KCNC2: variants seen among roughly 807,000 people sequenced by gnomAD.
KCNC2 encodes potassium voltage-gated channel subfamily C member 2.
A neutral mutation model predicts 44.5 loss-of-function variants in KCNC2; 21 were observed. The ratio of observed to expected loss-of-function variants is 0.47; its 90% CI spans 0.33 to 0.68. KCNC2 has a LOEUF of 0.68. KCNC2 is among the 30% of genes least tolerant of loss of function. The pLI is 0.01. For synonymous variants in KCNC2, 391 were observed against 339.1 expected, an observed-to-expected ratio of 1.15 and a Z score of -1.68; for missense variants, 589 against 826.2, an observed-to-expected ratio of 0.71 and a Z score of 3.52.
At chr12:75,129,706 CA>C (rs142395611) in intron 2 of KCNC2, among the ~76,000 whole-genome samples, 20 of 148,420 alleles carry the variant, frequency 1.3e-4, no homozygotes, top group African/African-American at 3.9e-4. Flanking sequence ...GGATATCACG[CA>C]AAAAAAAATG....
intron 2 of KCNC2, among the ~76,000 whole-genome samples, chr12:75,172,503 A>C (rs1299582370): frequency 6.6e-6 from 1 of 151,830 alleles, no homozygotes; most frequent in East Asian, 1.9e-4. Context: ...AAAAAAAAAA[A>C]AGTACATCCA....
chr12:75,122,798 G>A (rs1049153473), intron 2 of KCNC2, among the ~76,000 whole-genome samples: 3 of 151,948 alleles, frequency 2.0e-5, no homozygotes, highest in African/African-American at 7.3e-5. Flanking sequence ...TCGGAAAGCG[G>A]AAAAGATATC....
intron 2 of KCNC2, among the ~76,000 whole-genome samples, chr12:75,128,593 T>C (rs1184974957): frequency 6.6e-6 from 1 of 151,972 alleles, no homozygotes; most frequent in East Asian, 1.9e-4. Context: ...ATACCCAATC[T>C]CCTCTGTTCA....
intron 2 of KCNC2, among the ~76,000 whole-genome samples, chr12:75,166,703 T>A (rs1891478244): frequency 6.6e-6 from 1 of 151,126 alleles, no homozygotes. Context: ...AACACATTCC[T>A]AAGTAACCAA....
intron 2 of KCNC2, among the ~76,000 whole-genome samples, chr12:75,105,122 G>T (rs1886678922): frequency 6.6e-6 from 1 of 152,096 alleles, no homozygotes; most frequent in African/African-American, 2.4e-5. Flanking sequence ...AAGCAAAGAA[G>T]TTGAATAAAA....
chr12:75,104,272 T>C (rs1886603655), intron 2 of KCNC2, among the ~76,000 whole-genome samples: 4 of 152,186 alleles, frequency 2.6e-5, no homozygotes, highest in Admixed American at 2.6e-4. Flanking sequence ...TCATGAATAC[T>C]CTGGACAAGG....
intron 2 of KCNC2, among the ~76,000 whole-genome samples, chr12:75,093,852 G>C (rs1203636054): frequency 6.6e-6 from 1 of 151,642 alleles, no homozygotes; most frequent in East Asian, 1.9e-4. Flanking sequence ...CTGAGGTAAC[G>C]TGAGACTGTT....
chr12:75,205,891 G>T, intron 2 of KCNC2, among the ~76,000 whole-genome samples: 1 of 138,086 alleles, frequency 7.2e-6, no homozygotes, highest in African/African-American at 2.7e-5. Context: ...TTTATGGCAT[G>T]GCCTGAAAAA....
At chr12:75,090,929 T>C (rs1354285341) in intron 2 of KCNC2, among the ~76,000 whole-genome samples, 1 of 151,696 alleles carries the variant, frequency 6.6e-6, no homozygotes, top group Non-Finnish European at 1.5e-5. Context: ...CAATGCACCA[T>C]TCACTTGCCA....
chr12:75,092,157 A>G (rs1220721336), intron 2 of KCNC2, among the ~76,000 whole-genome samples: 1 of 151,626 alleles, frequency 6.6e-6, no homozygotes, highest in African/African-American at 2.4e-5. Flanking sequence ...TTCATCCCCT[A>G]TATAACTCCT....
intron 2 of KCNC2, among the ~76,000 whole-genome samples, chr12:75,131,802 T>G (rs554181603): frequency 5.4e-4 from 82 of 152,248 alleles, no homozygotes; most frequent in African/African-American, 1.9e-3. Context: ...CTGAATGAGC[T>G]TCACGGTAGA....
At chr12:75,172,876 C>T (rs2137590761) in intron 2 of KCNC2, among the ~76,000 whole-genome samples, 1 of 151,924 alleles carries the variant, frequency 6.6e-6, no homozygotes, top group East Asian at 2.0e-4. Flanking sequence ...CAGTTCAGGG[C>T]TGTCTAACTT....
intron 2 of KCNC2, among the ~76,000 whole-genome samples, chr12:75,056,630 T>C (rs1881774167): frequency 6.6e-6 from 1 of 151,962 alleles, no homozygotes; most frequent in Admixed American, 6.6e-5. Context: ...TGTAATCCTG[T>C]GATCCAAAAT....
intron 4 of KCNC2, chr12:75,043,545 T>G: frequency 8.2e-7 from 1 of 1,216,206 alleles, no homozygotes. Flanking sequence ...ATTTAAAAAT[T>G]AGGCAAAGCA....
intron 2 of KCNC2, among the ~76,000 whole-genome samples, chr12:75,152,896 A>G (rs928232020): frequency 6.6e-6 from 1 of 152,010 alleles, no homozygotes; most frequent in African/African-American, 2.4e-5. Context: ...GTTGTAGTAC[A>G]CACAACATTC....
intron 2 of KCNC2, among the ~76,000 whole-genome samples, chr12:75,177,401 G>A (rs991157055): frequency 1.3e-5 from 2 of 151,906 alleles, no homozygotes; most frequent in Non-Finnish European, 2.9e-5. Flanking sequence ...TTCTGAATTG[G>A]AAGGAACTTT....
intron 2 of KCNC2, among the ~76,000 whole-genome samples, chr12:75,184,885 G>T (rs1384842470): frequency 1.3e-5 from 2 of 152,130 alleles, no homozygotes; most frequent in Non-Finnish European, 2.9e-5. Context: ...GTGGTTACTT[G>T]CCTACTCCTC....
At chr12:75,099,331 G>A (rs559007745) in intron 2 of KCNC2, among the ~76,000 whole-genome samples, 10 of 152,218 alleles carry the variant, frequency 6.6e-5, no homozygotes, top group African/African-American at 2.4e-4. Context: ...GTTGAATTTA[G>A]TTCACATTCA....
At chr12:75,091,614 C>T (rs117431098) in intron 2 of KCNC2, among the ~76,000 whole-genome samples, 3 of 151,668 alleles carry the variant, frequency 2.0e-5, no homozygotes, top group Non-Finnish European at 4.4e-5. Flanking sequence ...TTACTCTCTG[C>T]GATGCAAAAT....
Sources: allele counts gnomAD v4.1 joint callset (sites outside exome capture counted in the v4.1 genomes callset), GRCh38; gene constraint gnomAD v4.1.1; transcripts MANE v1.5; gene names NCBI Gene and HGNC (gene_info 2026-07-23, HGNC 2026-07-21).